Variants in CACHD1 observed in about 807,000 individuals in gnomAD.
CACHD1 encodes cache domain containing 1, also known as VWFA and cache domain-containing protein 1.
In CACHD1, 71 loss-of-function variants were observed where a neutral mutation model predicts 138.7. The observed-to-expected ratio is 0.51, with a 90% CI of 0.42 to 0.62. The LOEUF (loss-of-function observed/expected upper bound fraction) is 0.62. CACHD1 is among the 20% of genes least tolerant of loss of function. The probability of loss-of-function intolerance (pLI) is 0.00; values close to 1 mark genes in which losing one functional copy is unlikely to be tolerated. For missense variants in CACHD1, 1,389 were observed against 1,625.3 expected, an observed-to-expected ratio of 0.85 and a Z score of 2.50; for synonymous variants, 578 against 591.5, an observed-to-expected ratio of 0.98 and a Z score of 0.33.
chr1:64,588,453 G>A (rs937872849), intron 3 of CACHD1, among the ~76,000 whole-genome samples: 6 of 147,432 alleles, frequency 4.1e-5, no homozygotes, highest in Admixed American at 2.7e-4. Context: ...ACAGAGTCTC[G>A]CTCTGTTGTC....
chr1:64,526,906 C>T (rs920351963), intron 1 of CACHD1, among the ~76,000 whole-genome samples: 10 of 152,132 alleles, frequency 6.6e-5, no homozygotes, highest in Admixed American at 5.9e-4. Context: ...ATTTATTCCT[C>T]TAGGGAAAGG....
In CACHD1 at chr1:64,658,756, C is replaced by A; in HGVS notation, c.1834C>A (p.Pro612Thr). 1 of 1,611,592 alleles carries A rather than the reference C, an allele frequency of 6.2e-7. No individual in the cohort carries two copies. The highest frequency in any genetic ancestry group is 8.5e-7 in the Non-Finnish European group (1 of 1,178,688). The part of the protein sequence containing the change: ...LCIVVIQPEI[P>T]VKQLKNLNTV... ...TATTGTGGTGATACAACCAGAAATA[C>A]CTGTGAAACAACTGAAGAACCTCAA... The change falls in exon 13 of 27, where the codon CCT (proline) becomes ACT (threonine). Residue 612 changes from proline (P) to threonine (T), a missense_variant. Around this residue, in one of 5 missense-constraint regions of CACHD1, gnomAD observed 1,000 missense variants for 1,114.7 expected, o/e 0.90. Coordinates refer to ENST00000651257, the MANE Select transcript of CACHD1 (RefSeq NM_020925.4).
In CACHD1 at chr1:64,692,741, A is replaced by G. The variant is rs1225531082; in HGVS notation, c.*1180A>G. 1 of 152,246 alleles carries G rather than the reference A, an allele frequency of 6.6e-6. No homozygotes were observed. Among genetic ancestry groups the G allele is most frequent in the Non-Finnish European group, 1.5e-5 (1 of 68,038 alleles). 9.4% of individuals were successfully genotyped at this position (152,246 alleles called of 1,614,324 possible). On this transcript the variant is annotated 3_prime_UTR_variant, in exon 27 of 27. Transcript: ENST00000651257. ...CAGGGATTAATCAAATCTGGCTACT[A>G]TAACATGGGGCATTGTAACTTTAAA...
chr1:64,623,245 TA>T (rs1216701255), intron 4 of CACHD1, among the ~76,000 whole-genome samples: 1 of 151,726 alleles, frequency 6.6e-6, no homozygotes, highest in African/African-American at 2.4e-5. Flanking sequence ...CTACTACTAA[TA>T]AAAAAATGAG....
intron 1 of CACHD1, among the ~76,000 whole-genome samples, chr1:64,517,829 C>T (rs1389702314): frequency 1.3e-5 from 2 of 152,212 alleles, no homozygotes; most frequent in African/African-American, 2.4e-5. Flanking sequence ...TAACCTTTTA[C>T]ACTTGAAAAG....
At chr1:64,594,154 T>C (rs1365851571) in intron 3 of CACHD1, among the ~76,000 whole-genome samples, 1 of 151,260 alleles carries the variant, frequency 6.6e-6, no homozygotes, top group Non-Finnish European at 1.5e-5. Context: ...GTTGGGAGGC[T>C]GAAGTAAGAG....
At chr1:64,672,439 A>G (rs1649847430) in intron 17 of CACHD1, among the ~76,000 whole-genome samples, 2 of 152,336 alleles carry the variant, frequency 1.3e-5, no homozygotes, top group East Asian at 1.9e-4. Flanking sequence ...ATAGCATAAT[A>G]CAATAAGATA....
At chr1:64,477,630 T>TTA (rs1646182999) in intron 1 of CACHD1, among the ~76,000 whole-genome samples, 1 of 124,114 alleles carries the variant, frequency 8.1e-6, no homozygotes, top group African/African-American at 3.8e-5. Flanking sequence ...TATTATTTTA[T>TTA]TTTATTTTTT....
chr1:64,509,431 T>C (rs1646402203), intron 1 of CACHD1, among the ~76,000 whole-genome samples: 1 of 152,226 alleles, frequency 6.6e-6, no homozygotes, highest in African/African-American at 2.4e-5. Flanking sequence ...TTTCTTTGGC[T>C]TCAGCCACTT....
At chr1:64,521,044 G>A (rs1242265177) in intron 1 of CACHD1, among the ~76,000 whole-genome samples, 1 of 152,108 alleles carries the variant, frequency 6.6e-6, no homozygotes, top group Admixed American at 6.5e-5. Context: ...GTTTCTTTAG[G>A]GTAGAACTCT....
At chr1:64,524,074 T>C (rs1646518756) in intron 1 of CACHD1, among the ~76,000 whole-genome samples, 1 of 152,214 alleles carries the variant, frequency 6.6e-6, no homozygotes, top group Non-Finnish European at 1.5e-5. Flanking sequence ...TGCTTTATTC[T>C]TGGTTCTACT....
At chr1:64,519,113 C>G (rs755502955) in intron 1 of CACHD1, among the ~76,000 whole-genome samples, 1 of 152,124 alleles carries the variant, frequency 6.6e-6, no homozygotes, top group Non-Finnish European at 1.5e-5. Context: ...TTAGCAGGAC[C>G]TGGGTTTTGT....
intron 1 of CACHD1, among the ~76,000 whole-genome samples, chr1:64,511,895 T>C (rs1646423446): frequency 1.3e-5 from 2 of 152,224 alleles, no homozygotes; most frequent in Non-Finnish European, 2.9e-5. Flanking sequence ...CATCTGAACA[T>C]GGTGGCCATC....
chr1:64,681,969 A>G (rs765236778), intron 25 of CACHD1, 36 bp from the exon 26 acceptor site: 9 of 1,564,274 alleles, frequency 5.8e-6, no homozygotes, highest in Admixed American at 3.3e-5. Context: ...AGATACTGGC[A>G]TAAGAGTGAC....
At chr1:64,610,691 A>G (rs1647501141) in intron 4 of CACHD1, among the ~76,000 whole-genome samples, 1 of 152,172 alleles carries the variant, frequency 6.6e-6, no homozygotes, top group Non-Finnish European at 1.5e-5. Flanking sequence ...ATCACGGGCT[A>G]GCCTTGAGTG....
intron 7 of CACHD1, among the ~76,000 whole-genome samples, chr1:64,641,540 T>C (rs1366742257): frequency 6.6e-6 from 1 of 152,162 alleles, no homozygotes; most frequent in African/African-American, 2.4e-5. Flanking sequence ...ACTATAACCA[T>C]TGGTGCCTAA....
intron 1 of CACHD1, among the ~76,000 whole-genome samples, chr1:64,481,046 ACAGT>A (rs1488641700): frequency 2.0e-5 from 3 of 152,146 alleles, no homozygotes; most frequent in African/African-American, 7.2e-5. Context: ...TCAGATTTGC[ACAGT>A]CAAATGATTT....
At chr1:64,584,541 C>T (rs77110636) in intron 3 of CACHD1, among the ~76,000 whole-genome samples, 2,247 of 152,258 alleles carry the variant, frequency 0.015, 52 homozygotes, top group African/African-American at 0.052. Context: ...TTCCAATTAC[C>T]TCTTTCTTTC....
chr1:64,494,153 A>G lies in CACHD1; in HGVS notation c.198+23211A>G, dbSNP rs189708733. On this transcript the variant is annotated intron_variant, in intron 1 of 26. Coordinates refer to ENST00000651257, the MANE Select transcript of CACHD1 (RefSeq NM_020925.4). ...CCCAGCTGGGGACTTTGCATTTGCA[A>G]TGAGGGCCCCACTTCTCTGAGCCCT... 4.4e-3 allele frequency among the ~76,000 whole-genome samples: 663 copies of G among 152,288 alleles called. 4 individuals are homozygous for G. The highest frequency in any genetic ancestry group is 7.0e-3 in the Non-Finnish European group (473 of 68,018).
Sources: gnomAD v4.1 joint callset for allele counts (sites outside exome capture counted in the v4.1 genomes callset) on GRCh38, gnomAD v4.1.1 for gene constraint, gnomAD v4.1.1 regional missense constraint, MANE v1.5 for transcripts, NCBI Gene and HGNC (gene_info 2026-07-23, HGNC 2026-07-21) for gene names.